Variants in URI1 observed in about 807,000 individuals in gnomAD.
URI1 encodes unconventional prefoldin RPB5 interactor 1.
In URI1, 39 loss-of-function variants were observed where a neutral mutation model predicts 60.2. That is an observed-to-expected ratio of 0.65 (90% CI 0.50 to 0.85). URI1 has a LOEUF of 0.85. Ranked by LOEUF, URI1 falls within the 40% of genes least tolerant of loss-of-function variation. The pLI, the probability that URI1 is intolerant of heterozygous loss-of-function variation, is 0.00. For synonymous variants in URI1, 251 were observed against 236.8 expected (o/e 1.06, Z -0.55); for missense variants, 691 against 665.9 (o/e 1.04, Z -0.42).
At chr19:29,956,961 C>T in intron 1 of URI1, 1 of 919,268 alleles carries the variant, frequency 1.1e-6, no homozygotes, top group Non-Finnish European at 1.8e-6. Flanking sequence ...GGAATGTCAA[C>T]AGTCTGATTG....
chr19:29,995,184 C>G (rs766676301), intron 4 of URI1, among the ~76,000 whole-genome samples: 20 of 152,052 alleles, frequency 1.3e-4, no homozygotes, highest in Non-Finnish European at 2.5e-4. Flanking sequence ...TTCCCACATT[C>G]TTGTCAACAC....
At position 30,005,412 on chromosome 19, in the gene URI1, C is replaced by T. The variant is rs1265829030; in HGVS notation, c.419C>T (p.Ser140Phe). The change falls in exon 5 of 11, where the codon TCC becomes TTC. Residue 140 changes from serine to phenylalanine, a missense_variant. Physicochemically the swap from Ser to Phe is radical, Grantham distance 155. Coordinates refer to ENST00000392271, the MANE Select transcript of URI1 (RefSeq NM_003796.3). ...DLKKVMKNFE[S>F]RVEFTEDLQK... Reference sequence around the variant, plus strand: ...AAAAAAGTGATGAAAAATTTTGAATCCAGAGTTGAATTCACAGAAGATTTG... The same window carrying T: ...AAAAAAGTGATGAAAAATTTTGAATTCAGAGTTGAATTCACAGAAGATTTG... 1.2e-6 allele frequency: 2 copies of T among 1,603,296 alleles called. No homozygotes were observed. Among genetic ancestry groups the T allele is most frequent in the Non-Finnish European group, 1.7e-6 (2 of 1,176,180 alleles).
chr19:29,978,240 T>TAAA (rs2055549904), intron 2 of URI1, among the ~76,000 whole-genome samples: 1 of 152,136 alleles, frequency 6.6e-6, no homozygotes, highest in African/African-American at 2.4e-5. Flanking sequence ...AGAGTTTTTT[T>TAAA]CCCCTGAAGA....
chr19:30,014,949 C>G lies in URI1; in HGVS notation c.1488C>G (p.Ala496=). 1 of 1,613,786 alleles carries G rather than the reference C, an allele frequency of 6.2e-7. No homozygotes were observed. Residue 496 remains alanine, a synonymous_variant, in exon 11 of 11, where the codon GCC becomes GCG. Transcript: ENST00000392271. Reference sequence around the variant, plus strand: ...CACCTTCCTTAACACCACCCCCAGCCATTGCTCATCCCGCACTACCCACTA... The same window carrying G: ...CACCTTCCTTAACACCACCCCCAGCGATTGCTCATCCCGCACTACCCACTA... ...FVSPSLTPPP[A]IAHPALPTIP...
Position 29,985,304 on chromosome 19 carries a change from A to ACCATT in URI1, c.231+3_231+4insCCATT. On this transcript the variant is annotated splice_donor_region_variant and intron_variant, in intron 3 of 10. Transcript: ENST00000392271. ...ATAAATTGTCTTATAATATAATGGT[A>ACCATT]TGTTTGGTGTGTTTCTTTTAAAGTA... The ACCATT allele has an allele frequency of 6.2e-7, 1 of 1,607,148 alleles. No individual in the cohort carries two copies.
At chr19:29,994,443 A>G (rs1015273239) in intron 4 of URI1, among the ~76,000 whole-genome samples, 3 of 151,254 alleles carry the variant, frequency 2.0e-5, no homozygotes, top group Non-Finnish European at 4.4e-5. Context: ...TCCTCCCCCC[A>G]TCCCCTGGTA....
intron 1 of URI1, among the ~76,000 whole-genome samples, chr19:29,934,820 A>G (rs199687865): frequency 1.0e-4 from 15 of 145,994 alleles, no homozygotes; most frequent in Admixed American, 2.1e-4. Context: ...CTTCCCAGGG[A>G]TTGGTAGCAT....
chr19:29,959,113 G>T (rs535741165), intron 1 of URI1, among the ~76,000 whole-genome samples: 69 of 152,192 alleles, frequency 4.5e-4, no homozygotes, highest in Admixed American at 1.6e-3. Context: ...GTTGTTATTG[G>T]TTTTTGTGTG....
At chr19:29,923,739 T>C in exon 1 of URI1, 2 of 1,536,770 alleles carry the variant, frequency 1.3e-6, no homozygotes, top group East Asian at 2.4e-5. Context: ...CTAAGAGGGC[T>C]CTGGCATATG....
chr19:29,946,195 G>A (rs1568409385), intron 1 of URI1, among the ~76,000 whole-genome samples: 1 of 152,036 alleles, frequency 6.6e-6, no homozygotes, highest in Non-Finnish European at 1.5e-5. Context: ...ATATTTGTTG[G>A]AAAAATGGAA....
chr19:30,007,313 T>A (rs1030272824), intron 6 of URI1, among the ~76,000 whole-genome samples, 157 bp from the exon 7 acceptor site: 2 of 152,064 alleles, frequency 1.3e-5, no homozygotes, highest in Non-Finnish European at 1.5e-5. Flanking sequence ...AGCAAGGCTG[T>A]AAGAGACATT....
intron 1 of URI1, among the ~76,000 whole-genome samples, chr19:29,947,332 C>T (rs1036359261): frequency 3.3e-5 from 5 of 152,160 alleles, no homozygotes; most frequent in African/African-American, 1.2e-4. Flanking sequence ...TTTACAGATC[C>T]GATCTTAGAA....
intron 1 of URI1, among the ~76,000 whole-genome samples, chr19:29,953,227 C>T (rs1016012648): frequency 1.3e-5 from 2 of 152,074 alleles, no homozygotes; most frequent in Non-Finnish European, 2.9e-5. Flanking sequence ...ATTCAAAATT[C>T]AAATTAATTA....
chr19:29,994,781 A>ATTT (rs539678001), intron 4 of URI1, among the ~76,000 whole-genome samples: 1 of 136,550 alleles, frequency 7.3e-6, no homozygotes. Context: ...AATTCTGTGG[A>ATTT]TTTTTTTTTT....
At chr19:29,939,046 C>T (rs868436122), upstream of URI1, among the ~76,000 whole-genome samples, 5 of 148,380 alleles carry the variant, frequency 3.4e-5, no homozygotes, top group East Asian at 2.0e-4. Context: ...GGCATGATCT[C>T]GGCTCACTGC....
At chr19:29,982,572 GTGTTA>G (rs1237672340) in intron 2 of URI1, among the ~76,000 whole-genome samples, 3 of 152,218 alleles carry the variant, frequency 2.0e-5, no homozygotes, top group South Asian at 2.1e-4. Flanking sequence ...TAAGCTGTTA[GTGTTA>G]TGTTATTAAT....
At chr19:30,000,230 G>T (rs765959080) in intron 4 of URI1, among the ~76,000 whole-genome samples, 248 of 151,976 alleles carry the variant, frequency 1.6e-3, no homozygotes, top group Non-Finnish European at 2.9e-3. Context: ...AATTCAGTCA[G>T]ATACTTTTTT....
In URI1 at chr19:29,929,232, C is replaced by T. The variant is rs554672821; in HGVS notation, c.63+5478C>T. Among the ~76,000 whole-genome samples the T allele has an allele frequency of 7.2e-5, 11 of 152,242 alleles. No individual in the cohort carries two copies. In the South Asian group the frequency reaches 2.3e-3, roughly 32 times the overall value. On this transcript the variant is annotated intron_variant, in intron 1 of 10. Transcript: ENST00000360605. ...TTCCAGAATGGCTGTACCATTTTAT[C>T]TTCCCACCAGGAATGAAAGAGAGTT...
At chr19:30,001,061 A>G (rs1202919752) in intron 4 of URI1, among the ~76,000 whole-genome samples, 1 of 151,032 alleles carries the variant, frequency 6.6e-6, no homozygotes, top group Non-Finnish European at 1.5e-5. Context: ...TTTAAGGAGT[A>G]TTTGTTTTTT....
Sources: allele counts gnomAD v4.1 joint callset (sites outside exome capture counted in the v4.1 genomes callset), GRCh38; gene constraint gnomAD v4.1.1; transcripts MANE v1.5; gene names NCBI Gene and HGNC (gene_info 2026-07-23, HGNC 2026-07-21).